The following TENM3 variants were observed in gnomAD, a reference collection of about 807,000 sequenced individuals.
TENM3 encodes the protein teneurin-3.
TENM3 carries 63 observed loss-of-function variants against 255.1 expected under a neutral mutation model. The ratio of observed to expected loss-of-function variants is 0.25; its 90% CI spans 0.20 to 0.30. TENM3 has a LOEUF of 0.30. TENM3 is among the 10% of genes least tolerant of loss of function. TENM3 has a pLI of 1.00. For synonymous variants in TENM3, 1,306 were observed against 1,322.3 expected, an observed-to-expected ratio of 0.99 and a Z score of 0.27; for missense variants, 2,929 against 3,461.1, an observed-to-expected ratio of 0.85 and a Z score of 3.86.
chr4:182,414,290 T>TAAC (rs1398162991), intron 3 of TENM3, among the ~76,000 whole-genome samples: 1 of 152,200 alleles, frequency 6.6e-6, no homozygotes, highest in Non-Finnish European at 1.5e-5. Context: ...TTTATTTTGC[T>TAAC]AACAGTCATG....
chr4:182,110,042 A>T, the TENM3 span, among the ~76,000 whole-genome samples: 1 of 148,094 alleles, frequency 6.8e-6, no homozygotes, highest in Non-Finnish European at 1.5e-5. Context: ...TGAACTTGGG[A>T]GGTGGAGGTT....
intron 3 of TENM3, among the ~76,000 whole-genome samples, chr4:182,504,075 C>A (rs564718647): frequency 6.6e-6 from 1 of 151,908 alleles, no homozygotes; most frequent in Non-Finnish European, 1.5e-5. Context: ...ACCACAAGCC[C>A]AGAGATGTTG....
At chr4:182,092,472 AC>A in the TENM3 span, among the ~76,000 whole-genome samples, 7 of 151,810 alleles carry the variant, frequency 4.6e-5, no homozygotes, top group African/African-American at 1.7e-4. Flanking sequence ...ACATAACAAG[AC>A]CCCATCTTTG....
At position 182,793,312 on chromosome 4, in the gene TENM3, A is replaced by T. The variant is rs562514460; in HGVS notation, c.6640A>T (p.Thr2214Ser). Residue 2214 changes from threonine (T) to serine (S), a missense_variant, in exon 26 of 28, where the codon ACT (threonine) becomes TCT (serine). Around this residue, in one of 6 missense-constraint regions of TENM3, gnomAD observed 256 missense variants for 389.3 expected, o/e 0.66. Coordinates refer to ENST00000511685, the MANE Select transcript of TENM3 (RefSeq NM_001080477.4). The surrounding 1 kb of genome is among the most constrained non-coding windows in gnomAD (Gnocchi z 5.7). ...TGAATATAGCTCCAAGGGGCTTCTA[A>T]CTCGAGTTTACAGTAAAGGCAGTGG... Reference protein sequence around the residue: ...IFEYSSKGLLTRVYSKGSGWT... With the variant: ...IFEYSSKGLLSRVYSKGSGWT... The T allele has an allele frequency of 1.7e-5, 28 of 1,613,738 alleles. No individual in the cohort carries two copies. The South Asian group carries it at 2.5e-4, about 15-fold the overall frequency.
chr4:181,901,492 C>A, the TENM3 span, among the ~76,000 whole-genome samples: 1 of 152,312 alleles, frequency 6.6e-6, no homozygotes, highest in Middle Eastern at 3.4e-3. Flanking sequence ...TTTAGATGAG[C>A]CTCTGATCCT....
At chr4:182,625,322 G>GT (rs1297042090) in intron 4 of TENM3, among the ~76,000 whole-genome samples, 2 of 152,276 alleles carry the variant, frequency 1.3e-5, no homozygotes, top group Non-Finnish European at 2.9e-5. Context: ...GGGAGGGAGC[G>GT]TTACTGCCTG....
chr4:181,641,805 CATATATATAT>C, the TENM3 span, among the ~76,000 whole-genome samples: 519 of 31,440 alleles, frequency 0.017, 11 homozygotes, highest in African/African-American at 0.062. Context: ...ACACACACAC[CATATATATAT>C]ATATATATAT....
intron 3 of TENM3, among the ~76,000 whole-genome samples, chr4:182,355,482 C>A (rs927553400): frequency 1.3e-5 from 2 of 152,162 alleles, no homozygotes; most frequent in Non-Finnish European, 2.9e-5. Context: ...AGAGCAACCT[C>A]CCTGGGGACA....
intron 10 of TENM3, among the ~76,000 whole-genome samples, chr4:182,681,068 T>C (rs1295967876): frequency 6.6e-6 from 1 of 152,186 alleles, no homozygotes; most frequent in African/African-American, 2.4e-5. Flanking sequence ...AGCTTCTAAA[T>C]CTAGCATTTT....
intron 16 of TENM3, among the ~76,000 whole-genome samples, chr4:182,736,206 C>T (rs1328533569): frequency 2.6e-5 from 4 of 152,138 alleles, no homozygotes; most frequent in African/African-American, 7.2e-5. Flanking sequence ...CTAACCCAAA[C>T]GATTGGGTGT....
the TENM3 span, among the ~76,000 whole-genome samples, chr4:182,108,614 C>G: frequency 6.6e-6 from 1 of 152,096 alleles, no homozygotes; most frequent in Non-Finnish European, 1.5e-5. Flanking sequence ...ATCTTGTAGG[C>G]TCATATGGAG....
intron 12 of TENM3, among the ~76,000 whole-genome samples, chr4:182,691,487 T>C (rs1757003364): frequency 6.6e-6 from 1 of 152,212 alleles, no homozygotes; most frequent in Admixed American, 6.5e-5. Flanking sequence ...CATAAAACCA[T>C]AGGCATTTTG....
At chr4:182,615,028 GAAAAAAAA>G (rs751141011) in intron 4 of TENM3, among the ~76,000 whole-genome samples, 1 of 89,064 alleles carries the variant, frequency 1.1e-5, no homozygotes, top group African/African-American at 4.5e-5. Flanking sequence ...ATGTTTCTCA[GAAAAAAAA>G]AAAAAAATAC....
chr4:181,839,635 TA>T, the TENM3 span, among the ~76,000 whole-genome samples: 1 of 151,048 alleles, frequency 6.6e-6, no homozygotes, highest in African/African-American at 2.4e-5. Flanking sequence ...CTCAATACTT[TA>T]AAAAAATCGA....
At chr4:181,517,569 A>G in the TENM3 span, among the ~76,000 whole-genome samples, 1 of 152,236 alleles carries the variant, frequency 6.6e-6, no homozygotes, top group Non-Finnish European at 1.5e-5. Flanking sequence ...CTTCGCACAC[A>G]CATATCTATG....
the TENM3 span, among the ~76,000 whole-genome samples, chr4:181,754,321 C>CACACACAG: frequency 1.3e-5 from 2 of 150,568 alleles, no homozygotes; most frequent in Non-Finnish European, 2.9e-5. Context: ...CACACACACA[C>CACACACAG]AGACAATCAC....
At chr4:182,307,925 C>A (rs1186077128) in intron 1 of TENM3, among the ~76,000 whole-genome samples, 1 of 152,222 alleles carries the variant, frequency 6.6e-6, no homozygotes, top group African/African-American at 2.4e-5. Flanking sequence ...CTGCCTTGCT[C>A]TCTGTGCCTG....
chr4:181,658,919 G>C, the TENM3 span, among the ~76,000 whole-genome samples: 5 of 152,100 alleles, frequency 3.3e-5, no homozygotes, highest in Admixed American at 3.3e-4. Flanking sequence ...TGATCATTCT[G>C]CCAGAGACAT....
chr4:181,467,125 ATTT>A, the TENM3 span, among the ~76,000 whole-genome samples: 2 of 17,622 alleles, frequency 1.1e-4, no homozygotes, highest in African/African-American at 5.0e-4. Flanking sequence ...ATATATATAT[ATTT>A]TTTTTTTTTT....
Sources: allele counts gnomAD v4.1 joint callset (sites outside exome capture counted in the v4.1 genomes callset), GRCh38; gene constraint gnomAD v4.1.1; regional missense constraint gnomAD v4.1.1; non-coding constraint Gnocchi (gnomAD v3.1); transcripts MANE v1.5; gene names NCBI Gene and HGNC (gene_info 2026-07-23, HGNC 2026-07-21).